The following ZMAT5 variants were observed in gnomAD, a reference collection of about 807,000 sequenced individuals.
ZMAT5 encodes zinc finger matrin-type 5, also known as zinc finger matrin-type protein 5.
In ZMAT5, 23 loss-of-function variants were observed where a neutral mutation model predicts 28.0. The ratio of observed to expected loss-of-function variants is 0.82; its 90% confidence interval spans 0.59 to 1.16. The LOEUF is 1.16. Among genes scored for constraint, ZMAT5 ranks in the 50% most tolerant of loss-of-function variants. The pLI, the probability that ZMAT5 is intolerant of heterozygous loss-of-function variation, is 0.00. For synonymous variants in ZMAT5, 76 were observed against 84.1 expected, an observed-to-expected ratio of 0.90 and a Z score of 0.52; for missense variants, 173 against 212.7, an observed-to-expected ratio of 0.81 and a Z score of 1.16.
chr22:29,731,473 T>C (rs1485907043), intron 5 of ZMAT5, 119 bp from the exon 6 acceptor site: 4 of 1,372,188 alleles, frequency 2.9e-6, no homozygotes, highest in Non-Finnish European at 3.8e-6. Flanking sequence ...CTGCATGACT[T>C]TTCTGGAAGG....
At chr22:29,744,278 C>T (rs941217362) in intron 2 of ZMAT5, among the ~76,000 whole-genome samples, 2 of 151,722 alleles carry the variant, frequency 1.3e-5, no homozygotes, top group Non-Finnish European at 1.5e-5. Flanking sequence ...CCTCACAAAC[C>T]CTCTGAACAG....
At position 29,766,957 on chromosome 22, in the gene ZMAT5, C is replaced by A. The variant is rs868299335; in HGVS notation, c.-113G>T. ...CGTCTCGCGGAAGGTACCTGGCTCC[C>A]CGGTGGCTGCAGCTCCGGGCTCCTC... On this transcript the variant is annotated 5_prime_UTR_variant, in exon 1 of 6. Coordinates refer to ENST00000344318, the MANE Select transcript of ZMAT5 (RefSeq NM_001003692.2). 7.6e-5 allele frequency: 12 copies of A among 157,810 alleles called. No homozygotes were observed. The highest frequency in any genetic ancestry group is 1.9e-4 in the African/African-American group (8 of 41,634). The allele number at this position is 157,810 out of a possible 1,614,324, so 9.8% of individuals were successfully genotyped here. A position where few individuals can be genotyped will look rare whatever the true frequency, so the allele number is the denominator to read the frequency against.
intron 5 of ZMAT5, among the ~76,000 whole-genome samples, chr22:29,733,582 T>C (rs1298531239): frequency 6.6e-6 from 1 of 152,104 alleles, no homozygotes; most frequent in Non-Finnish European, 1.5e-5. Context: ...GGAGATTTCA[T>C]AAACTCCACC....
intron 4 of ZMAT5, 143 bp downstream of exon 4, chr22:29,740,507 G>A: frequency 6.3e-6 from 5 of 796,402 alleles, no homozygotes; most frequent in Non-Finnish European, 1.0e-5. Flanking sequence ...CCAAACCGGG[G>A]GCTCAGGGCT....
chr22:29,748,382 G>A (rs750168412), intron 2 of ZMAT5, 36 bp downstream of exon 2: 89 of 1,613,824 alleles, frequency 5.5e-5, no homozygotes, highest in Non-Finnish European at 7.2e-5. Context: ...AGAGAGCAGG[G>A]CTCCAGGAGC....
intron 2 of ZMAT5, chr22:29,747,172 G>A (rs940046805): frequency 2.0e-5 from 3 of 152,188 alleles, no homozygotes; most frequent in Non-Finnish European, 4.4e-5. Flanking sequence ...TGCAGCCGGA[G>A]TTGAGAATCA....
intron 1 of ZMAT5, among the ~76,000 whole-genome samples, chr22:29,766,074 G>T (rs556701902): frequency 6.6e-6 from 1 of 152,194 alleles, no homozygotes; most frequent in African/African-American, 2.4e-5. Flanking sequence ...ACGCACCTTG[G>T]GGGGCGAGGC....
chr22:29,747,233 C>G (rs2066150091), intron 2 of ZMAT5: 1 of 152,246 alleles, frequency 6.6e-6, no homozygotes, highest in South Asian at 2.1e-4. Flanking sequence ...TGAAAAGCAC[C>G]AGCATGTAGC....
At chr22:29,751,273 T>C (rs1337455940) in intron 1 of ZMAT5, among the ~76,000 whole-genome samples, 1 of 152,166 alleles carries the variant, frequency 6.6e-6, no homozygotes, top group African/African-American at 2.4e-5. Flanking sequence ...ATTGAAAAGC[T>C]GCCTGTGTGA....
intron 1 of ZMAT5, among the ~76,000 whole-genome samples, chr22:29,758,215 A>C (rs2068121972): frequency 6.6e-6 from 1 of 152,104 alleles, no homozygotes; most frequent in Admixed American, 6.6e-5. Flanking sequence ...AGAAGACTCC[A>C]CCCTGGCTGG....
At chr22:29,751,166 T>C (rs143062973) in intron 1 of ZMAT5, among the ~76,000 whole-genome samples, 27 of 151,062 alleles carry the variant, frequency 1.8e-4, no homozygotes, top group Non-Finnish European at 2.5e-4. Flanking sequence ...CGCTGGAGAG[T>C]AATGGGGAAG....
At chr22:29,743,236 C>G (rs1657393987) in intron 2 of ZMAT5, among the ~76,000 whole-genome samples, 1 of 152,176 alleles carries the variant, frequency 6.6e-6, no homozygotes, top group Non-Finnish European at 1.5e-5. Flanking sequence ...AGCCCACCAG[C>G]CAATCCCAGG....
At chr22:29,764,177 C>T (rs2068185859) in intron 1 of ZMAT5, among the ~76,000 whole-genome samples, 1 of 152,118 alleles carries the variant, frequency 6.6e-6, no homozygotes, top group Non-Finnish European at 1.5e-5. Flanking sequence ...ATGAAACAAG[C>T]CACACCTTTA....
chr22:29,748,409 G>T lies in ZMAT5; in HGVS notation c.127+9C>A. 1 of 1,614,162 alleles carries T rather than the reference G, an allele frequency of 6.2e-7. No homozygotes were observed. Among genetic ancestry groups the T allele is most frequent in the African/African-American group, 1.3e-5 (1 of 75,046 alleles). On this transcript the variant is annotated intron_variant, in intron 2 of 5. Transcript: ENST00000344318. ...TCCAGGAGCCTGGCCCCCAGCCAGC[G>T]GCACCCACCTCGGAACATGTCGTAC...
At position 29,758,784 on chromosome 22, in the gene ZMAT5, T is replaced by A. The variant is rs527583942; in HGVS notation, c.-28+8088A>T. 1.2e-3 allele frequency: 190 copies of A among 152,650 alleles called. 1 individual carries two copies. The highest frequency in any genetic ancestry group is 4.5e-3 in the African/African-American group (186 of 41,564). 9.5% of individuals were successfully genotyped at this position (152,650 alleles called of 1,614,324 possible). A position where few individuals can be genotyped will look rare whatever the true frequency, so the allele number is the denominator to read the frequency against. On this transcript the variant is annotated intron_variant, in intron 1 of 5. Coordinates refer to ENST00000344318, the MANE Select transcript of ZMAT5 (RefSeq NM_001003692.2). The stretch of plus-strand genomic sequence containing the variant: ...GCTAGTCCAAGTGCAGCAGTGTTGG[T>A]GACTAACTGATCACAACCAGATACA...
intron 1 of ZMAT5, among the ~76,000 whole-genome samples, chr22:29,763,908 T>C (rs1255901825): frequency 6.6e-6 from 1 of 152,024 alleles, no homozygotes; most frequent in Admixed American, 6.6e-5. Flanking sequence ...ACTATGATCG[T>C]GCCACTACAC....
chr22:29,744,386 C>T (rs148945987), intron 2 of ZMAT5, among the ~76,000 whole-genome samples: 9,233 of 37,484 alleles, frequency 0.25, 386 homozygotes, highest in Non-Finnish European at 0.27. Context: ...CGGGGGCGGG[C>T]GGGGGGTGTG....
intron 5 of ZMAT5, among the ~76,000 whole-genome samples, chr22:29,733,107 C>T (rs1056065799): frequency 6.6e-6 from 1 of 152,224 alleles, no homozygotes; most frequent in Non-Finnish European, 1.5e-5. Flanking sequence ...CCAAGTGACA[C>T]CCTCGGGATG....
intron 2 of ZMAT5, 95 bp downstream of exon 2, chr22:29,748,323 G>T: frequency 6.3e-7 from 1 of 1,581,600 alleles, no homozygotes; most frequent in Non-Finnish European, 8.7e-7. Context: ...AAAGAGCCCA[G>T]ACCTAGACTG....
Sources: allele counts gnomAD v4.1 joint callset (sites outside exome capture counted in the v4.1 genomes callset), GRCh38; gene constraint gnomAD v4.1.1; transcripts MANE v1.5; gene names NCBI Gene and HGNC (gene_info 2026-07-23, HGNC 2026-07-21).